Variants in ATP10B observed in about 807,000 individuals in gnomAD.
ATP10B encodes ATPase phospholipid transporting 10B (putative), also known as phospholipid-transporting ATPase VB.
In ATP10B, 122 loss-of-function variants were observed where a neutral mutation model predicts 141.2. The observed-to-expected ratio is 0.86, with a 90% CI of 0.75 to 1.00. The LOEUF is 1.00. Ranked by LOEUF, ATP10B falls within the 50% of genes least tolerant of loss-of-function variation. The pLI is 0.00. For missense variants in ATP10B, 1,876 were observed against 1,825.3 expected (o/e 1.03, Z -0.51); for synonymous variants, 685 against 692.0 (o/e 0.99, Z 0.16).
chr5:160,824,257 C>T (rs1303666232), intron 1 of ATP10B, among the ~76,000 whole-genome samples: 1 of 152,082 alleles, frequency 6.6e-6, no homozygotes, highest in Non-Finnish European at 1.5e-5. Flanking sequence ...ACCTCGTGAT[C>T]CAACCACCTC....
rs759181077 is a variant in ATP10B at position 160,715,569 on chromosome 5, C to T, written c.-205+1340G>A. On this transcript the variant is annotated intron_variant, in intron 3 of 25. Coordinates refer to ENST00000327245, the MANE Select transcript of ATP10B (RefSeq NM_025153.3). ...CTCAGATGGAAATGCAGAAATCACCCGTCTTCTGCGTCGCTCACGCTGGGA... is the reference window on the plus strand; with the variant it reads ...CTCAGATGGAAATGCAGAAATCACCTGTCTTCTGCGTCGCTCACGCTGGGA... Among the ~76,000 whole-genome samples, 725 of 151,110 alleles carry T rather than the reference C, an allele frequency of 4.8e-3. 5 individuals carry two copies. Among genetic ancestry groups the T allele is most frequent in the Non-Finnish European group, 6.3e-3 (426 of 67,542 alleles).
At chr5:160,854,935 G>A (rs891887670), upstream of ATP10B, among the ~76,000 whole-genome samples, 7 of 152,090 alleles carry the variant, frequency 4.6e-5, no homozygotes, top group African/African-American at 1.7e-4. Flanking sequence ...AAATAACTGT[G>A]CTTTCACATA....
At chr5:160,608,102 C>T (rs763395505) in intron 18 of ATP10B, among the ~76,000 whole-genome samples, 9 of 152,084 alleles carry the variant, frequency 5.9e-5, no homozygotes, top group Admixed American at 1.3e-4. Flanking sequence ...CGACAGGCCC[C>T]GGTGTCTGAT....
rs527813378 is a variant in ATP10B, at chr5:160,772,534, AG to A, written c.-331+13024del. ...ATTCTTCCAGGGATGTGGGGGCATGAGGATGGTTTTGGGATGAAACTGTTCC... is the reference window on the plus strand; with the variant it reads ...ATTCTTCCAGGGATGTGGGGGCATGAGATGGTTTTGGGATGAAACTGTTCC... On this transcript the variant is annotated intron_variant, in intron 2 of 25. Coordinates refer to ENST00000327245, the MANE Select transcript of ATP10B (RefSeq NM_025153.3). 6.0e-3 allele frequency among the ~76,000 whole-genome samples: 908 copies of A among 152,264 alleles called. 2 individuals are homozygous for A. Among genetic ancestry groups the A allele is most frequent in the Admixed American group, 8.9e-3 (136 of 15,292 alleles).
intron 2 of ATP10B, among the ~76,000 whole-genome samples, chr5:160,778,476 A>G (rs1373858703): frequency 6.6e-6 from 1 of 152,170 alleles, no homozygotes; most frequent in Admixed American, 6.5e-5. Context: ...AGAGGCTGAA[A>G]GTCAGTTTTC....
At chr5:160,597,731 C>T (rs1269545020) in intron 22 of ATP10B, among the ~76,000 whole-genome samples, 1 of 152,074 alleles carries the variant, frequency 6.6e-6, no homozygotes, top group South Asian at 2.1e-4. Context: ...AAAAAGTGGG[C>T]AAAGGACATG....
intron 13 of ATP10B, 34 bp downstream of exon 13, chr5:160,632,095 C>G (rs766343901): frequency 1.3e-6 from 2 of 1,574,980 alleles, no homozygotes; most frequent in South Asian, 2.3e-5. Context: ...TCCCACAGAA[C>G]ACTTACAGTT....
intron 3 of ATP10B, among the ~76,000 whole-genome samples, chr5:160,704,904 T>C (rs1016168943): frequency 1.4e-5 from 2 of 143,916 alleles, no homozygotes; most frequent in African/African-American, 2.7e-5. Flanking sequence ...GCTTCCAACA[T>C]TTCTTTCATC....
intron 1 of ATP10B, among the ~76,000 whole-genome samples, chr5:160,793,928 G>T (rs529319091): frequency 9.2e-5 from 14 of 152,168 alleles, no homozygotes; most frequent in African/African-American, 3.4e-4. Flanking sequence ...TTGTAGCCTA[G>T]GAGCACTACG....
intron 1 of ATP10B, among the ~76,000 whole-genome samples, chr5:160,813,916 G>C (rs1298447779): frequency 6.6e-6 from 1 of 152,200 alleles, no homozygotes; most frequent in East Asian, 1.9e-4. Flanking sequence ...ACCTGTAGCT[G>C]AGGGTCCTGA....
At chr5:160,627,115 C>T (rs1460165184) in intron 13 of ATP10B, among the ~76,000 whole-genome samples, 1 of 152,184 alleles carries the variant, frequency 6.6e-6, no homozygotes, top group African/African-American at 2.4e-5. Flanking sequence ...CACTCCTCAT[C>T]CACTCCTCAC....
chr5:160,881,764 T>C, the ATP10B span, among the ~76,000 whole-genome samples: 1 of 151,988 alleles, frequency 6.6e-6, no homozygotes, highest in East Asian at 1.9e-4. Flanking sequence ...TGAGAGGAGA[T>C]GGCGCCACTG....
At chr5:160,859,570 T>C in the ATP10B span, among the ~76,000 whole-genome samples, 525 of 152,026 alleles carry the variant, frequency 3.5e-3, no homozygotes, top group African/African-American at 0.011. Context: ...GTCTTCTGTA[T>C]ATCTAAAATA....
In ATP10B at chr5:160,565,494, TC is replaced by T. The variant is rs767419549; in HGVS notation, c.4344del (p.Arg1449GlyfsTer11). ...CTCTGGGATCGGCGATGGCTGCTCCTCTTTGAGCACCGGCACATATCAGTCT... is the reference window on the plus strand; with the variant it reads ...CTCTGGGATCGGCGATGGCTGCTCCTTTTGAGCACCGGCACATATCAGTCT... ...RGQTDMCRCS[K>X]RSSHRRSQSS... On this transcript the variant is annotated frameshift_variant, in exon 26 of 26. Transcript: ENST00000327245. LOFTEE classifies it high-confidence loss of function. 1 of 1,614,134 alleles carries T rather than the reference TC, an allele frequency of 6.2e-7. No homozygotes were observed. The highest frequency in any genetic ancestry group is 8.5e-7 in the Non-Finnish European group (1 of 1,179,968).
rs1763796986 is a variant in ATP10B at position 160,687,008 on chromosome 5, C to T, written c.276-735G>A. 5.1e-6 allele frequency: 5 copies of T among 975,198 alleles called. No homozygotes were observed. In the South Asian group the frequency reaches 2.4e-4, roughly 46 times the overall value. 60.4% of individuals were successfully genotyped at this position (975,198 alleles called of 1,614,324 possible). A position where few individuals can be genotyped will look rare whatever the true frequency, so the allele number is the denominator to read the frequency against. On this transcript the variant is annotated intron_variant, in intron 5 of 25. Coordinates refer to ENST00000327245, the MANE Select transcript of ATP10B (RefSeq NM_025153.3). The stretch of plus-strand genomic sequence containing the variant: ...GCTCTCTCTTGCCACAGTGCCTTTG[C>T]ATGTACAGGTCTGTCTGCAGGAACA...
rs542745440 is a variant in ATP10B, at chr5:160,577,911, TCAAA to T, written c.3751-8232_3751-8229del. Among the ~76,000 whole-genome samples, 8 of 152,132 alleles carry T rather than the reference TCAAA, an allele frequency of 5.3e-5. No individual in the cohort carries two copies. The East Asian group carries it at 7.7e-4, about 15-fold the overall frequency. ...TTTGAGCAAAGTTTTATATATTAGG[TCAAA>T]CAATTTATTAAAAGTTTCTATACCC... On this transcript the variant is annotated intron_variant, in intron 24 of 25. Coordinates refer to ENST00000327245, the MANE Select transcript of ATP10B (RefSeq NM_025153.3).
At chr5:160,628,298 C>A (rs549517981) in intron 13 of ATP10B, among the ~76,000 whole-genome samples, 5 of 152,338 alleles carry the variant, frequency 3.3e-5, no homozygotes, top group African/African-American at 1.2e-4. Flanking sequence ...GTCCCCCCAC[C>A]CCGATTTGAG....
intron 8 of ATP10B, among the ~76,000 whole-genome samples, chr5:160,644,609 A>G (rs1760141646): frequency 6.6e-6 from 1 of 152,132 alleles, no homozygotes; most frequent in Non-Finnish European, 1.5e-5. Flanking sequence ...CAAAACCAAG[A>G]TGGTGATGAG....
intron 1 of ATP10B, among the ~76,000 whole-genome samples, chr5:160,829,366 G>A (rs900842843): frequency 1.3e-5 from 2 of 152,132 alleles, no homozygotes; most frequent in Non-Finnish European, 2.9e-5. Context: ...CACGCTTATA[G>A]TATGGCTTGA....
Sources: gnomAD v4.1 joint callset for allele counts (sites outside exome capture counted in the v4.1 genomes callset) on GRCh38, gnomAD v4.1.1 for gene constraint, MANE v1.5 for transcripts, NCBI Gene and HGNC (gene_info 2026-07-23, HGNC 2026-07-21) for gene names.